The following IFT172 variants were observed in gnomAD, a reference collection of about 807,000 sequenced individuals.
IFT172 encodes intraflagellar transport 172.
Under a neutral mutation model 248.9 loss-of-function variants are expected in IFT172, and 164 were observed. That is an observed-to-expected ratio of 0.66 (90% confidence interval 0.58 to 0.75). The LOEUF (loss-of-function observed/expected upper bound fraction) is 0.75, where lower values mean the gene tolerates loss of function less well. Among genes scored for constraint, IFT172 ranks in the 30% least tolerant of loss-of-function variants. The pLI, the probability that IFT172 is intolerant of heterozygous loss-of-function variation, is 0.00. For missense variants in IFT172, 1,950 were observed against 2,192.4 expected (o/e 0.89, Z 2.21); for synonymous variants, 729 against 791.6 (o/e 0.92, Z 1.33).
At chr2:27,465,662 G>T in intron 17 of IFT172, 84 bp downstream of exon 17, 1 of 1,578,532 alleles carries the variant, frequency 6.3e-7, no homozygotes, top group Non-Finnish European at 8.7e-7. Context: ...ATTAGTGCTG[G>T]CCAGTTTTAC....
intron 18 of IFT172, 138 bp from the exon 19 acceptor site, chr2:27,463,319 A>G (rs1666827870): frequency 3.0e-6 from 2 of 669,256 alleles, no homozygotes; most frequent in South Asian, 4.6e-5. Flanking sequence ...ATAGAGACCA[A>G]GGAAGATGAG....
rs181772913 is a variant in IFT172, at chr2:27,481,411, C to T, written c.571-151G>A. The T allele has an allele frequency of 1.4e-4, 85 of 619,764 alleles. 2 individuals carry two copies. The Admixed American group carries it at 1.7e-3, about 12-fold the overall frequency. 38.4% of individuals were successfully genotyped at this position (619,764 alleles called of 1,614,324 possible). ...TATCCCAACACATCCTAATCCTGAA[C>T]TCTTCACAAATTGTCACACACACAC... On this transcript the variant is annotated intron_variant, in intron 7 of 47. Transcript: ENST00000260570.
At chr2:27,468,780 C>T (rs529769154) in intron 16 of IFT172, among the ~76,000 whole-genome samples, 5 of 147,482 alleles carry the variant, frequency 3.4e-5, no homozygotes, top group Non-Finnish European at 5.9e-5. Flanking sequence ...ACCCAGGAGG[C>T]AGAGGTTGCA....
At chr2:27,483,712 A>G in intron 5 of IFT172, 53 bp from the exon 6 acceptor site, 1 of 1,584,904 alleles carries the variant, frequency 6.3e-7, no homozygotes, top group Non-Finnish European at 8.6e-7. Flanking sequence ...ATATTTAACT[A>G]GGCCCTAAGA....
chr2:27,476,752 C>T, intron 13 of IFT172, 26 bp from the exon 14 acceptor site: 3 of 1,445,306 alleles, frequency 2.1e-6, no homozygotes, highest in Middle Eastern at 1.7e-4. Flanking sequence ...TGAGGTAAGG[C>T]AAAATGGGCT....
intron 22 of IFT172, 74 bp from the exon 23 acceptor site, chr2:27,461,167 A>G: frequency 1.2e-6 from 2 of 1,613,476 alleles, no homozygotes; most frequent in South Asian, 1.1e-5. Flanking sequence ...AAAACAAGGG[A>G]ACACCAGCAG....
Position 27,479,539 on chromosome 2 carries a change from C to T in IFT172, c.975G>A (p.Lys325=), listed in dbSNP as rs1327753961. The T allele has an allele frequency of 2.5e-6, 4 of 1,613,080 alleles. No homozygotes were observed. The highest frequency in any genetic ancestry group is 3.4e-6 in the Non-Finnish European group (4 of 1,179,038). Residue 325 remains lysine, a synonymous_variant, in exon 10 of 48, where the codon AAG becomes AAA. Coordinates refer to ENST00000260570, the MANE Select transcript of IFT172 (RefSeq NM_015662.3). ...CCLRRSIYKN[K]FELTYVGPSQ... Reference sequence around the variant, plus strand: ...TAGGTCCCACATACGTCAACTCAAACTTGTTCTTGTAAATACTCCTTCGGA... The same window carrying T: ...TAGGTCCCACATACGTCAACTCAAATTTGTTCTTGTAAATACTCCTTCGGA...
chr2:27,463,317 C>A, intron 18 of IFT172, 136 bp from the exon 19 acceptor site: 1 of 702,732 alleles, frequency 1.4e-6, no homozygotes, highest in Non-Finnish European at 2.3e-6. Context: ...ATATAGAGAC[C>A]AAGGAAGATG....
intron 2 of IFT172, 83 bp downstream of exon 2, chr2:27,485,277 A>T: frequency 6.3e-7 from 1 of 1,595,084 alleles, no homozygotes; most frequent in South Asian, 1.1e-5. Context: ...TCCTATGCTG[A>T]TGGCTAGAAG....
In IFT172 at chr2:27,485,929, C is replaced by T. The variant is rs143237560; in HGVS notation, c.40-426G>A. On this transcript the variant is annotated intron_variant, in intron 1 of 47. Coordinates refer to ENST00000260570, the MANE Select transcript of IFT172 (RefSeq NM_015662.3). ...ACAAAAAGCAAACCATAGATCCTGC[C>T]TCCACGTCTAATAAGATGGTGCAAA... 3.8e-3 allele frequency among the ~76,000 whole-genome samples: 583 copies of T among 152,292 alleles called. 6 individuals are homozygous for T. The highest frequency in any genetic ancestry group is 0.013 in the African/African-American group (551 of 41,556).
At position 27,453,629 on chromosome 2, in the gene IFT172, C is replaced by A; in HGVS notation, c.3821+1G>T. 5 of 1,610,768 alleles carry A rather than the reference C, an allele frequency of 3.1e-6. No homozygotes were observed. Among genetic ancestry groups the A allele is most frequent in the Non-Finnish European group, 3.4e-6 (4 of 1,178,024 alleles). ...TGCTGCCTGGACCTCTGGCCTCATA[C>A]CTGGCCCCCTTCTTAGTAGCTTCCC... On this transcript the variant is annotated splice_donor_variant, in intron 34 of 47. Coordinates refer to ENST00000260570, the MANE Select transcript of IFT172 (RefSeq NM_015662.3). LOFTEE classifies it high-confidence loss of function.
At position 27,461,849 on chromosome 2, in the gene IFT172, G is replaced by C; in HGVS notation, c.2116-13C>G. 1 of 1,614,094 alleles carries C rather than the reference G, an allele frequency of 6.2e-7. No individual in the cohort carries two copies. The highest frequency in any genetic ancestry group is 8.5e-7 in the Non-Finnish European group (1 of 1,179,988). ...CCTCCACAGCATTCTAGGGGAAACA[G>C]GCAGAGCAGAGAGGGACACCAGAAA... On this transcript the variant is annotated splice_polypyrimidine_tract_variant and intron_variant, in intron 20 of 47. Transcript: ENST00000260570.
Position 27,489,718 on chromosome 2 carries a change from G to A in IFT172, c.-65C>T, listed in dbSNP as rs1244557039. 3.9e-6 allele frequency: 5 copies of A among 1,297,192 alleles called. No homozygotes were observed. Among genetic ancestry groups the A allele is most frequent in the South Asian group, 2.4e-5 (2 of 81,790 alleles). 80.4% of individuals were successfully genotyped at this position (1,297,192 alleles called of 1,614,324 possible). On this transcript the variant is annotated 5_prime_UTR_variant, in exon 1 of 48. Coordinates refer to ENST00000260570, the MANE Select transcript of IFT172 (RefSeq NM_015662.3). ...ACTCCCGTGGTTACCTGGACAACCC[G>A]CCACGCAGCCGCAGCGACAGGCACT... is the stretch of plus-strand genomic sequence containing the variant.
In IFT172 at chr2:27,461,447, C is replaced by T. The variant is rs78631901; in HGVS notation, c.2264G>A (p.Arg755Gln). 499 of 1,614,152 alleles carry T rather than the reference C, an allele frequency of 3.1e-4. No homozygotes were observed. The East Asian group carries it at 4.9e-3, about 16-fold the overall frequency. Residue 755 changes from arginine (R) to glutamine (Q), a missense_variant, in exon 22 of 48, where the codon CGA (arginine) becomes CAA (glutamine). Arg to Gln is a conservative substitution (Grantham distance 43). Transcript: ENST00000260570. The part of the protein sequence containing the change: ...QWLMDTQQEE[R>Q]AGELQESQGD... ...TTGGCTCTCCTGTAGTTCACCTGCT[C>T]GCTCCTCTTGCTGTGTGTCCATCAG...
chr2:27,446,533 G>C, intron 42 of IFT172, 178 bp from the exon 43 acceptor site: 1 of 557,772 alleles, frequency 1.8e-6, no homozygotes, highest in East Asian at 3.2e-5. Context: ...AAGACACCTG[G>C]GCCTAGGTTC....
chr2:27,470,605 C>T (rs570017776), intron 16 of IFT172, among the ~76,000 whole-genome samples: 30 of 152,190 alleles, frequency 2.0e-4, no homozygotes, highest in South Asian at 4.1e-4. Context: ...TGGCTTATAA[C>T]GGAGAATCAG....
intron 6 of IFT172, 74 bp from the exon 7 acceptor site, chr2:27,483,450 AAC>A (rs1203769258): frequency 7.1e-7 from 1 of 1,405,908 alleles, no homozygotes; most frequent in Non-Finnish European, 1.0e-6. Flanking sequence ...TTCTCTGTCA[AAC>A]ACAACCTTGT....
intron 16 of IFT172, among the ~76,000 whole-genome samples, chr2:27,467,658 A>G (rs1376628337): frequency 6.6e-6 from 1 of 150,712 alleles, no homozygotes; most frequent in Non-Finnish European, 1.5e-5. Flanking sequence ...AGAATGAAGC[A>G]TGGAGCAGGA....
intron 10 of IFT172, among the ~76,000 whole-genome samples, 162 bp from the exon 11 acceptor site, chr2:27,478,318 T>G (rs1467617744): frequency 6.6e-6 from 1 of 152,258 alleles, no homozygotes; most frequent in African/African-American, 2.4e-5. Context: ...TATGTTTATA[T>G]GGGGCTTTAC....
Sources: allele counts gnomAD v4.1 joint callset (sites outside exome capture counted in the v4.1 genomes callset), GRCh38; gene constraint gnomAD v4.1.1; transcripts MANE v1.5; gene names NCBI Gene and HGNC (gene_info 2026-07-23, HGNC 2026-07-21).